Variants in PRR16 observed in about 807,000 individuals in gnomAD.
The protein encoded by PRR16 is proline rich 16.
In PRR16, 6 loss-of-function variants were observed where a neutral mutation model predicts 18.2. That is an observed-to-expected ratio of 0.33 (90% CI 0.18 to 0.65). The LOEUF (loss-of-function observed/expected upper bound fraction) is 0.65. PRR16 is among the 30% of genes least tolerant of loss of function. The pLI is 0.74. For synonymous variants in PRR16, 151 were observed against 147.8 expected (o/e 1.02, Z -0.16); for missense variants, 412 against 376.6 (o/e 1.09, Z -0.78).
chr5:120,771,996 T>G, the PRR16 span, among the ~76,000 whole-genome samples: 4 of 152,180 alleles, frequency 2.6e-5, no homozygotes, highest in South Asian at 8.3e-4. Context: ...GAGTGTCAGA[T>G]TGATATTATA....
rs10590670 is a variant in PRR16 at position 120,628,695 on chromosome 5, CATCTATCTATCTATCTATCTATCTATCT to C, written c.160-57231_160-57204del. 6.9e-5 allele frequency among the ~76,000 whole-genome samples: 10 copies of C among 144,708 alleles called. No homozygotes were observed. In the East Asian group the frequency reaches 8.2e-4, roughly 12 times the overall value. The allele number at this position is 144,708 out of a possible 152,430, so 94.9% of individuals were successfully genotyped here. A position where few individuals can be genotyped will look rare whatever the true frequency, so the allele number is the denominator to read the frequency against. ...TCTATCTATCTATCTATCATTCTAC[CATCTATCTATCTATCTATCTATCTATCT>C]ATCTATCTATCTATCTATCTATCTA... is the stretch of plus-strand genomic sequence containing the variant. On this transcript the variant is annotated intron_variant, in intron 1 of 1. Transcript: ENST00000407149.
intron 1 of PRR16, among the ~76,000 whole-genome samples, chr5:120,506,231 A>T (rs1027737832): frequency 6.6e-6 from 1 of 152,012 alleles, no homozygotes; most frequent in African/African-American, 2.4e-5. Context: ...TTTTCATAAA[A>T]AGTAGGTTTT....
chr5:120,788,058 T>G, the PRR16 span, among the ~76,000 whole-genome samples: 2 of 152,056 alleles, frequency 1.3e-5, no homozygotes, highest in East Asian at 3.9e-4. Flanking sequence ...TTTTTGAAAA[T>G]TCCAACCTAC....
the PRR16 span, among the ~76,000 whole-genome samples, chr5:120,769,458 C>A: frequency 5.9e-5 from 9 of 151,964 alleles, no homozygotes; most frequent in East Asian, 1.7e-3. Flanking sequence ...ATCTCTAGCA[C>A]TTATTTATGT....
the PRR16 span, among the ~76,000 whole-genome samples, chr5:120,696,878 T>C: frequency 6.6e-6 from 1 of 152,224 alleles, no homozygotes; most frequent in Non-Finnish European, 1.5e-5. Flanking sequence ...TCAAAACATG[T>C]TATACTTGAC....
chr5:120,607,731 T>C lies in PRR16; in HGVS notation c.160-78223T>C, dbSNP rs920303775. Reference sequence around the variant, plus strand: ...AAAAAAAATCTTATCATTAGGGTTGTTTGTGGTGGTGGTGCTTTTGTTTTC... The same window carrying C: ...AAAAAAAATCTTATCATTAGGGTTGCTTGTGGTGGTGGTGCTTTTGTTTTC... On this transcript the variant is annotated intron_variant, in intron 1 of 1. Coordinates refer to ENST00000407149, the MANE Select transcript of PRR16 (RefSeq NM_001300783.2). Among the ~76,000 whole-genome samples the C allele has an allele frequency of 2.0e-5, 3 of 152,176 alleles. No individual in the cohort carries two copies. In the South Asian group the frequency reaches 6.2e-4, roughly 32 times the overall value.
chr5:120,521,238 T>G (rs190734525), intron 1 of PRR16, among the ~76,000 whole-genome samples: 25 of 152,264 alleles, frequency 1.6e-4, no homozygotes, highest in Non-Finnish European at 2.9e-4. Context: ...CCTTTATTTT[T>G]TGTGTGTGTT....
the PRR16 span, among the ~76,000 whole-genome samples, chr5:120,708,976 T>C: frequency 7.2e-6 from 1 of 138,642 alleles, no homozygotes; most frequent in Non-Finnish European, 1.5e-5. Context: ...TACTCTTTGG[T>C]ACTTTTTTTT....
chr5:120,524,190 A>T (rs1751279001), intron 1 of PRR16, among the ~76,000 whole-genome samples: 2 of 152,152 alleles, frequency 1.3e-5, no homozygotes, highest in African/African-American at 4.8e-5. Flanking sequence ...CTGTGTCTAA[A>T]CTCTTAAAAT....
intron 1 of PRR16, among the ~76,000 whole-genome samples, chr5:120,669,951 A>G (rs766176752): frequency 8.5e-5 from 13 of 152,064 alleles, no homozygotes; most frequent in Non-Finnish European, 1.9e-4. Flanking sequence ...ATGACTACCA[A>G]AGGTTTTAGG....
intron 1 of PRR16, among the ~76,000 whole-genome samples, chr5:120,519,461 C>A (rs2112649349): frequency 1.3e-5 from 2 of 152,080 alleles, no homozygotes; most frequent in East Asian, 3.9e-4. Context: ...TGAAATAAAC[C>A]ATTTTTCTCT....
chr5:120,757,420 T>C, the PRR16 span, among the ~76,000 whole-genome samples: 1 of 152,096 alleles, frequency 6.6e-6, no homozygotes. Context: ...ATGGCCATTT[T>C]AATGATAGTG....
At chr5:120,774,482 A>G in the PRR16 span, among the ~76,000 whole-genome samples, 1 of 152,092 alleles carries the variant, frequency 6.6e-6, no homozygotes, top group Non-Finnish European at 1.5e-5. Flanking sequence ...GGCAATTTTA[A>G]CTTCTAGGAG....
At chr5:120,490,234 T>A (rs1400709145) in intron 1 of PRR16, among the ~76,000 whole-genome samples, 3 of 152,184 alleles carry the variant, frequency 2.0e-5, no homozygotes, top group African/African-American at 7.2e-5. Context: ...CTGGATAATA[T>A]CCTGCAGAGT....
intron 1 of PRR16, among the ~76,000 whole-genome samples, chr5:120,652,498 A>AT (rs1198462784): frequency 6.6e-6 from 1 of 151,030 alleles, no homozygotes; most frequent in Non-Finnish European, 1.5e-5. Context: ...AATAAATCAT[A>AT]TTTTTAGTAA....
intron 1 of PRR16, among the ~76,000 whole-genome samples, chr5:120,571,875 G>A (rs149516259): frequency 8.6e-4 from 131 of 152,222 alleles, no homozygotes; most frequent in African/African-American, 3.1e-3. Context: ...CTTGTCTATA[G>A]GATCCAAGAC....
At chr5:120,765,925 G>A in the PRR16 span, among the ~76,000 whole-genome samples, 6 of 152,034 alleles carry the variant, frequency 3.9e-5, no homozygotes, top group Non-Finnish European at 8.8e-5. Context: ...ATGTTGTTGC[G>A]TGTGGATTTT....
the PRR16 span, among the ~76,000 whole-genome samples, chr5:120,708,656 C>T: frequency 6.6e-6 from 1 of 152,064 alleles, no homozygotes; most frequent in Admixed American, 6.6e-5. Context: ...ATTCTGTAAA[C>T]ATTAAAGAAA....
At chr5:120,487,387 G>A (rs552652535) in intron 1 of PRR16, among the ~76,000 whole-genome samples, 7 of 152,044 alleles carry the variant, frequency 4.6e-5, no homozygotes, top group Admixed American at 2.6e-4. Context: ...GGATTCCTAG[G>A]TATTTTATTC....
Sources: allele counts gnomAD v4.1 joint callset (sites outside exome capture counted in the v4.1 genomes callset), GRCh38; gene constraint gnomAD v4.1.1; transcripts MANE v1.5; gene names NCBI Gene and HGNC (gene_info 2026-07-23, HGNC 2026-07-21).